BBS9: variants seen among roughly 807,000 people sequenced by gnomAD.
The protein encoded by BBS9 is protein PTHB1.
A neutral mutation model predicts 117.7 loss-of-function variants in BBS9; 89 were observed. The observed-to-expected ratio is 0.76, with a 90% CI of 0.64 to 0.90. The LOEUF is 0.90. Among genes scored for constraint, BBS9 ranks in the 40% least tolerant of loss-of-function variants. The pLI is 0.00. For synonymous variants in BBS9, 379 were observed against 370.9 expected (o/e 1.02, Z -0.25); for missense variants, 982 against 1,042.2 (o/e 0.94, Z 0.80).
chr7:33,200,796 G>T (rs1207738793), intron 5 of BBS9, among the ~76,000 whole-genome samples: 2 of 152,044 alleles, frequency 1.3e-5, no homozygotes, highest in Non-Finnish European at 2.9e-5. Flanking sequence ...CTTATAGCAG[G>T]TTTTCCTCAC....
chr7:33,316,270 T>G (rs189259700), intron 9 of BBS9, among the ~76,000 whole-genome samples: 10 of 152,364 alleles, frequency 6.6e-5, no homozygotes, highest in Non-Finnish European at 1.2e-4. Flanking sequence ...TTAACATTCA[T>G]CTGTGTTGTT....
intron 9 of BBS9, 88 bp downstream of exon 9, chr7:33,274,044 T>G: frequency 7.0e-7 from 1 of 1,437,646 alleles, no homozygotes; most frequent in Non-Finnish European, 9.7e-7. Flanking sequence ...CAAGTGATTT[T>G]ATTAAAAAAT....
intron 19 of BBS9, among the ~76,000 whole-genome samples, chr7:33,482,634 G>A (rs1842647021): frequency 6.6e-6 from 1 of 152,146 alleles, no homozygotes; most frequent in African/African-American, 2.4e-5. Flanking sequence ...TTCAATTTAA[G>A]AGTTAGCCTT....
chr7:33,548,712 C>T (rs2129086051), intron 21 of BBS9, among the ~76,000 whole-genome samples: 1 of 151,746 alleles, frequency 6.6e-6, no homozygotes, highest in Admixed American at 6.6e-5. Context: ...AGGAATCCAA[C>T]TTACAAGGGA....
At chr7:33,492,007 C>G (rs1164326660) in intron 19 of BBS9, among the ~76,000 whole-genome samples, 2 of 151,680 alleles carry the variant, frequency 1.3e-5, no homozygotes, top group Non-Finnish European at 2.9e-5. Context: ...TGAGACCAGC[C>G]TGGCCAACAT....
intron 9 of BBS9, among the ~76,000 whole-genome samples, chr7:33,305,503 A>G (rs550079718): frequency 6.6e-6 from 1 of 152,194 alleles, no homozygotes; most frequent in Non-Finnish European, 1.5e-5. Flanking sequence ...TTCCTTAAAT[A>G]TTTGGTAGAA....
At chr7:33,611,892 A>G (rs1200558489) in intron 21 of BBS9, among the ~76,000 whole-genome samples, 1 of 146,816 alleles carries the variant, frequency 6.8e-6, no homozygotes, top group Non-Finnish European at 1.5e-5. Context: ...ATATTAAAGG[A>G]TAAAATATAT....
chr7:33,502,705 C>T (rs1845617323), intron 19 of BBS9, among the ~76,000 whole-genome samples: 1 of 152,116 alleles, frequency 6.6e-6, no homozygotes, highest in African/African-American at 2.4e-5. Flanking sequence ...CTTCCTAAGG[C>T]CCCCTACACT....
chr7:33,521,673 T>C (rs1848617891), intron 20 of BBS9, among the ~76,000 whole-genome samples: 1 of 152,136 alleles, frequency 6.6e-6, no homozygotes, highest in Non-Finnish European at 1.5e-5. Flanking sequence ...AGATGGCATA[T>C]AGACCATATA....
At chr7:33,131,105 T>C (rs1178761647) in intron 1 of BBS9, among the ~76,000 whole-genome samples, 1 of 152,244 alleles carries the variant, frequency 6.6e-6, no homozygotes, top group Non-Finnish European at 1.5e-5. Context: ...CTATCAGTCT[T>C]TGTGAGTCCC....
chr7:33,373,230 G>GA (rs907101275), intron 17 of BBS9, among the ~76,000 whole-genome samples: 27 of 151,590 alleles, frequency 1.8e-4, no homozygotes, highest in Admixed American at 1.6e-3. Flanking sequence ...AGATTAGAAA[G>GA]AAAAAAAACA....
At chr7:33,194,006 ACTT>A (rs1340954742) in intron 5 of BBS9, among the ~76,000 whole-genome samples, 30 of 151,974 alleles carry the variant, frequency 2.0e-4, no homozygotes, top group African/African-American at 6.8e-4. Flanking sequence ...CCTGTCTTCC[ACTT>A]CTTCTACTCA....
chr7:33,195,302 G>C (rs776176195), intron 5 of BBS9, among the ~76,000 whole-genome samples: 2 of 152,038 alleles, frequency 1.3e-5, no homozygotes, highest in Non-Finnish European at 2.9e-5. Flanking sequence ...TTAGACTTTG[G>C]GGTTATTTTT....
chr7:33,421,631 TAGTC>T (rs993166298), intron 19 of BBS9, among the ~76,000 whole-genome samples: 2 of 152,194 alleles, frequency 1.3e-5, no homozygotes, highest in African/African-American at 4.8e-5. Context: ...TGTCTTTTCT[TAGTC>T]AGTCTGGAAT....
intron 19 of BBS9, among the ~76,000 whole-genome samples, chr7:33,487,225 A>AT (rs1218905974): frequency 6.6e-6 from 1 of 152,150 alleles, no homozygotes; most frequent in African/African-American, 2.4e-5. Context: ...TGGTTTCTCC[A>AT]TTTTTTAAAC....
At chr7:33,564,064 C>T (rs755050871) in intron 21 of BBS9, among the ~76,000 whole-genome samples, 4 of 152,134 alleles carry the variant, frequency 2.6e-5, no homozygotes, top group Non-Finnish European at 4.4e-5. Context: ...CATTATGTTA[C>T]TGAATCTTGC....
rs150404855 is a variant in BBS9, at chr7:33,166,821, C to T, written c.329-10657C>T. 5.3e-3 allele frequency among the ~76,000 whole-genome samples: 814 copies of T among 152,330 alleles called. 11 individuals are homozygous for T. Among genetic ancestry groups the T allele is most frequent in the African/African-American group, 0.019 (776 of 41,568 alleles). ...CCTTGGCTAGGAAAGGGATATCCCC[C>T]AACCCCTTGCACTTCCTGGGTGAGG... On this transcript the variant is annotated intron_variant, in intron 4 of 22. Transcript: ENST00000242067.
chr7:33,459,919 C>T (rs987066129), intron 19 of BBS9, among the ~76,000 whole-genome samples: 1 of 152,036 alleles, frequency 6.6e-6, no homozygotes, highest in Non-Finnish European at 1.5e-5. Flanking sequence ...ATTCTAATTA[C>T]CCAAGTAATA....
chr7:33,375,516 G>T (rs1823682494), intron 17 of BBS9, among the ~76,000 whole-genome samples: 1 of 151,154 alleles, frequency 6.6e-6, no homozygotes, highest in Admixed American at 6.6e-5. Flanking sequence ...TTGGATTTTT[G>T]GTAATCTAAA....
Sources: allele counts gnomAD v4.1 joint callset (sites outside exome capture counted in the v4.1 genomes callset), GRCh38; gene constraint gnomAD v4.1.1; transcripts MANE v1.5; gene names NCBI Gene and HGNC (gene_info 2026-07-23, HGNC 2026-07-21).